Variants in DDHD2 observed in about 807,000 individuals in gnomAD.
DDHD2 encodes DDHD domain containing 2.
A neutral mutation model predicts 91.2 loss-of-function variants in DDHD2; 62 were observed. That is an observed-to-expected ratio of 0.68 (90% CI 0.55 to 0.84). The LOEUF is 0.84. Among genes scored for constraint, DDHD2 ranks in the 40% least tolerant of loss-of-function variants. DDHD2 has a pLI of 0.00. For missense variants in DDHD2, 740 were observed against 846.9 expected, an observed-to-expected ratio of 0.87 and a Z score of 1.57; for synonymous variants, 271 against 293.9, an observed-to-expected ratio of 0.92 and a Z score of 0.80.
At chr8:38,246,855 C>G (rs972091641) in intron 9 of DDHD2, 10 of 153,620 alleles carry the variant, frequency 6.5e-5, no homozygotes, top group African/African-American at 2.4e-4. Flanking sequence ...ATATGCACTG[C>G]TGATCTGTTA....
chr8:38,256,958 C>T (rs560955062), intron 16 of DDHD2, among the ~76,000 whole-genome samples: 9 of 152,092 alleles, frequency 5.9e-5, no homozygotes, highest in Non-Finnish European at 1.3e-4. Flanking sequence ...CAGTCTCACT[C>T]TATCACCCAG....
At chr8:38,266,201 G>A, downstream of DDHD2, 4 of 1,613,992 alleles carry the variant, frequency 2.5e-6, no homozygotes, top group South Asian at 4.4e-5. Flanking sequence ...GCAAAAAGTA[G>A]AGGTGACAGA....
intron 11 of DDHD2, chr8:38,251,640 A>G (rs1054376647): frequency 9.9e-6 from 3 of 301,746 alleles, no homozygotes; most frequent in Non-Finnish European, 1.2e-5. Flanking sequence ...TTCTGAGGAA[A>G]TCTTCCTAGA....
rs935787912 is a variant in DDHD2 at position 38,231,661 on chromosome 8, C to A, written c.-207C>A. 1 of 152,336 alleles carries A rather than the reference C, an allele frequency of 6.6e-6. No homozygotes were observed. Among genetic ancestry groups the A allele is most frequent in the Non-Finnish European group, 1.5e-5 (1 of 68,246 alleles). The allele number at this position is 152,336 out of a possible 1,614,324, so 9.4% of individuals were successfully genotyped here. A position where few individuals can be genotyped will look rare whatever the true frequency, so the allele number is the denominator to read the frequency against. Reference sequence around the variant, plus strand: ...CGCGCCGCGCTCCCCGCCGCCTCACCTTTTCGCCTGGCATCCGGGCCCGCT... The same window carrying A: ...CGCGCCGCGCTCCCCGCCGCCTCACATTTTCGCCTGGCATCCGGGCCCGCT... On this transcript the variant is annotated 5_prime_UTR_variant, in exon 1 of 18. Transcript: ENST00000397166.
At chr8:38,234,810 C>T (rs1170108360) in intron 3 of DDHD2, among the ~76,000 whole-genome samples, 2 of 151,200 alleles carry the variant, frequency 1.3e-5, no homozygotes, top group Non-Finnish European at 1.5e-5. Flanking sequence ...CTCTGTTGCC[C>T]AGGCTGGAGT....
downstream of DDHD2, chr8:38,264,106 CGGTTAGGAG>C: frequency 2.0e-6 from 2 of 997,690 alleles, no homozygotes; most frequent in Non-Finnish European, 2.4e-6. Flanking sequence ...GTGCATGGTC[CGGTTAGGAG>C]GGCTAGTTCA....
At chr8:38,251,620 T>G (rs1585748458) in intron 11 of DDHD2, 2 of 264,504 alleles carry the variant, frequency 7.6e-6, no homozygotes, top group Admixed American at 9.7e-5. Flanking sequence ...GGCAATAATT[T>G]AATCTTGTTT....
At chr8:38,255,341 A>G (rs751130101) in intron 16 of DDHD2, 18 of 510,352 alleles carry the variant, frequency 3.5e-5, no homozygotes, top group Non-Finnish European at 4.3e-5. Context: ...TAAGGGGCTA[A>G]AATAATGCTA....
intron 7 of DDHD2, among the ~76,000 whole-genome samples, chr8:38,242,892 A>C (rs1160683658): frequency 6.6e-6 from 1 of 152,138 alleles, no homozygotes; most frequent in Non-Finnish European, 1.5e-5. Flanking sequence ...TTTGTTTGTA[A>C]ATTTTATGGT....
chr8:38,240,053 A>G (rs1378975126), intron 5 of DDHD2, among the ~76,000 whole-genome samples: 2 of 152,136 alleles, frequency 1.3e-5, no homozygotes, highest in Non-Finnish European at 1.5e-5. Context: ...CAGAAAAAAA[A>G]GAAAAAAGTC....
chr8:38,248,140 T>C (rs2130824604), intron 10 of DDHD2, among the ~76,000 whole-genome samples: 1 of 152,286 alleles, frequency 6.6e-6, no homozygotes, highest in African/African-American at 2.4e-5. Flanking sequence ...TAATTTTCTG[T>C]TGTACTTTCA....
At chr8:38,253,809 T>G in intron 16 of DDHD2, 91 bp downstream of exon 16, 1 of 1,332,780 alleles carries the variant, frequency 7.5e-7, no homozygotes, top group Non-Finnish European at 1.1e-6. Flanking sequence ...GCCAGGTGCA[T>G]TGGCTCAGGC....
chr8:38,253,829 C>G, intron 16 of DDHD2, 111 bp downstream of exon 16: 2 of 1,162,438 alleles, frequency 1.7e-6, no homozygotes, highest in Non-Finnish European at 2.4e-6. Context: ...CTTATAATCT[C>G]AGCACTTTGG....
intron 7 of DDHD2, among the ~76,000 whole-genome samples, chr8:38,243,091 A>G (rs1356861216): frequency 6.6e-6 from 1 of 152,108 alleles, no homozygotes; most frequent in Middle Eastern, 3.2e-3. Context: ...TGATTTGGGT[A>G]TATTCTGTTT....
In DDHD2 at chr8:38,259,289, C is replaced by T. The variant is rs571449272; in HGVS notation, c.2055-751C>T. Among the ~76,000 whole-genome samples the T allele has an allele frequency of 3.2e-3, 484 of 151,268 alleles. 3 individuals carry two copies. Among genetic ancestry groups the T allele is most frequent in the Middle Eastern group, 6.8e-3 (2 of 292 alleles). ...AAGTGCAGTGACACTCTGCAACCTT[C>T]GGCTCACTGCAACCTTTGCCTCCTC... On this transcript the variant is annotated intron_variant, in intron 16 of 17. Coordinates refer to ENST00000397166, the MANE Select transcript of DDHD2 (RefSeq NM_015214.3).
chr8:38,231,859 G>C lies in DDHD2; in HGVS notation c.-9G>C, dbSNP rs1373967222. 1 of 153,364 alleles carries C rather than the reference G, an allele frequency of 6.5e-6. No homozygotes were observed. The highest frequency in any genetic ancestry group is 1.4e-5 in the Non-Finnish European group (1 of 69,140). 9.5% of individuals were successfully genotyped at this position (153,364 alleles called of 1,614,324 possible). A position where few individuals can be genotyped will look rare whatever the true frequency, so the allele number is the denominator to read the frequency against. ...AGCCTGAGGAGTGGCGGGGCCGCCA[G>C]GTGAGACCGCGTCGGGCGGGCGGCT... On this transcript the variant is annotated splice_region_variant and 5_prime_UTR_variant, in exon 1 of 18. Coordinates refer to ENST00000397166, the MANE Select transcript of DDHD2 (RefSeq NM_015214.3).
chr8:38,271,609 A>G (rs1585843906), downstream of DDHD2: 1 of 152,224 alleles, frequency 6.6e-6, no homozygotes, highest in Non-Finnish European at 1.5e-5. Context: ...CCAGAGACCA[A>G]TTCTAGGTGG....
chr8:38,233,085 A>G lies in DDHD2; in HGVS notation c.91A>G (p.Met31Val), dbSNP rs1187391481. 6.2e-7 allele frequency: 1 copy of G among 1,614,178 alleles called. No individual in the cohort carries two copies. Among genetic ancestry groups the G allele is most frequent in the Non-Finnish European group, 8.5e-7 (1 of 1,180,006 alleles). ...NSCSSFELID[M>V]DAGSLYEPVS... ...ATGTAGTTCCTTTGAGCTAATAGAC[A>G]TGGATGCTGGCAGCTTGTATGAACC... The change falls in exon 2 of 18, where the codon ATG becomes GTG. Residue 31 changes from methionine to valine, a missense_variant. By Grantham distance (21) the Met-to-Val change is conservative. Coordinates refer to ENST00000397166, the MANE Select transcript of DDHD2 (RefSeq NM_015214.3).
intron 16 of DDHD2, chr8:38,255,475 T>C (rs1806444684): frequency 1.4e-5 from 4 of 278,592 alleles, no homozygotes; most frequent in South Asian, 6.5e-5. Context: ...AAGCCTCTTT[T>C]TTATTTTGTT....
Sources: gnomAD v4.1 joint callset for allele counts (sites outside exome capture counted in the v4.1 genomes callset) on GRCh38, gnomAD v4.1.1 for gene constraint, MANE v1.5 for transcripts, NCBI Gene and HGNC (gene_info 2026-07-23, HGNC 2026-07-21) for gene names.